The following IST1 variants were observed in gnomAD, a reference collection of about 807,000 sequenced individuals.
IST1 encodes IST1 factor associated with ESCRT-III, also known as IST1 homolog.
A neutral mutation model predicts 37.0 loss-of-function variants in IST1; 23 were observed. The ratio of observed to expected loss-of-function variants is 0.62; its 90% confidence interval spans 0.45 to 0.88. The LOEUF (loss-of-function observed/expected upper bound fraction) is 0.88, where lower values mean the gene tolerates loss of function less well. IST1 is among the 40% of genes least tolerant of loss of function. IST1 has a pLI of 0.00. For synonymous variants in IST1, 180 were observed against 161.7 expected, an observed-to-expected ratio of 1.11 and a Z score of -0.86; for missense variants, 488 against 445.4, an observed-to-expected ratio of 1.10 and a Z score of -0.86.
intron 1 of IST1, among the ~76,000 whole-genome samples, chr16:71,906,773 C>T (rs920637182): frequency 6.6e-6 from 1 of 152,066 alleles, no homozygotes; most frequent in African/African-American, 2.4e-5. Flanking sequence ...TGTTTCGCTT[C>T]CTTTTGGTCT....
Position 71,927,975 on chromosome 16 carries a change from C to G in IST1, c.*162C>G, listed in dbSNP as rs1294231891. The G allele has an allele frequency of 1.6e-6, 1 of 612,074 alleles. No homozygotes were observed. The highest frequency in any genetic ancestry group is 2.9e-6 in the Non-Finnish European group (1 of 344,962). The allele number at this position is 612,074 out of a possible 1,614,324, so 37.9% of individuals were successfully genotyped here. On this transcript the variant is annotated 3_prime_UTR_variant, in exon 10 of 10. Coordinates refer to ENST00000378799, the MANE Select transcript of IST1 (RefSeq NM_001270975.2). ...TGCTCCTCCAGATTCTGCTGCTTTC[C>G]AGTTCTCTGTTGATCCTGAGACTAA...
intron 7 of IST1, 141 bp from the exon 8 acceptor site, chr16:71,923,147 T>C (rs528690095): frequency 1.8e-5 from 9 of 502,680 alleles, no homozygotes; most frequent in Non-Finnish European, 1.7e-5. Flanking sequence ...GTGGTCCTTT[T>C]GGGCATTTTT....
intron 8 of IST1, among the ~76,000 whole-genome samples, chr16:71,923,887 A>G (rs2037672466): frequency 6.6e-6 from 1 of 151,974 alleles, no homozygotes; most frequent in African/African-American, 2.4e-5. Context: ...CTAATATAAT[A>G]CCTCGAACTG....
rs746198588 is a variant in IST1 at position 71,923,281 on chromosome 16, C to T, written c.760-7C>T. 6.3e-7 allele frequency: 1 copy of T among 1,592,492 alleles called. No individual in the cohort carries two copies. Among genetic ancestry groups the T allele is most frequent in the Non-Finnish European group, 8.6e-7 (1 of 1,161,818 alleles). On this transcript the variant is annotated splice_region_variant and splice_polypyrimidine_tract_variant and intron_variant, in intron 7 of 9. Coordinates refer to ENST00000378799, the MANE Select transcript of IST1 (RefSeq NM_001270975.2). ...GTGTCTCTGATGTTGCCTTTCTCCT[C>T]TTACAGTCAGATTTCAATGGACTGC...
chr16:71,904,090 T>G (rs188974132), intron 1 of IST1, among the ~76,000 whole-genome samples: 25 of 152,290 alleles, frequency 1.6e-4, no homozygotes, highest in African/African-American at 5.8e-4. Flanking sequence ...TGTCTGATTT[T>G]AATGTAACCC....
At chr16:71,897,574 C>G (rs2037001942) in intron 1 of IST1, among the ~76,000 whole-genome samples, 1 of 152,162 alleles carries the variant, frequency 6.6e-6, no homozygotes, top group African/African-American at 2.4e-5. Flanking sequence ...GGAAAAGTAA[C>G]ATGCCTATGA....
rs1312931977 is a variant in IST1, at chr16:71,929,602, G to A, written c.*1789G>A. 1.3e-6 allele frequency: 2 copies of A among 1,551,746 alleles called. No individual in the cohort carries two copies. Among genetic ancestry groups the A allele is most frequent in the Non-Finnish European group, 1.7e-6 (2 of 1,147,018 alleles). ...TGCTGTCGTGGCTGCTTGCTCAGAT[G>A]AGGTTTTTTGGGGCCAACTGATTCC... On this transcript the variant is annotated 3_prime_UTR_variant, in exon 10 of 10. Transcript: ENST00000378799.
chr16:71,909,288 T>C (rs2037299084), intron 1 of IST1, among the ~76,000 whole-genome samples: 1 of 151,994 alleles, frequency 6.6e-6, no homozygotes, highest in East Asian at 1.9e-4. Flanking sequence ...CTAAATATTC[T>C]GTAGAGAGGG....
Position 71,916,787 on chromosome 16 carries a change from A to G in IST1, c.269+145A>G, listed in dbSNP as rs1161521817. On this transcript the variant is annotated intron_variant, in intron 3 of 9. Coordinates refer to ENST00000378799, the MANE Select transcript of IST1 (RefSeq NM_001270975.2). ...CTGAAAGGCCTGTTAAAAAGAAAATACAGAATCTGAAACTGAGAAGCCTAA... is the reference window on the plus strand; with the variant it reads ...CTGAAAGGCCTGTTAAAAAGAAAATGCAGAATCTGAAACTGAGAAGCCTAA... The G allele has an allele frequency of 6.7e-6, 5 of 747,562 alleles. No homozygotes were observed. In the African/African-American group the frequency reaches 7.0e-5, roughly 11 times the overall value. 46.3% of individuals were successfully genotyped at this position (747,562 alleles called of 1,614,324 possible).
intron 9 of IST1, among the ~76,000 whole-genome samples, chr16:71,926,226 G>A (rs2037739226): frequency 6.6e-6 from 1 of 150,884 alleles, no homozygotes; most frequent in South Asian, 2.1e-4. Context: ...AGGTTGTAGT[G>A]AACCAAGATT....
At chr16:71,901,366 A>G (rs1344583886) in intron 1 of IST1, among the ~76,000 whole-genome samples, 7 of 152,082 alleles carry the variant, frequency 4.6e-5, no homozygotes, top group Non-Finnish European at 1.0e-4. Context: ...GGCACCCATC[A>G]CCACACCCAG....
intron 1 of IST1, among the ~76,000 whole-genome samples, chr16:71,900,327 C>CTTTTTTTTT (rs201344260): frequency 1.0e-5 from 1 of 100,470 alleles, no homozygotes; most frequent in Non-Finnish European, 1.8e-5. Context: ...CTTAGGAAGT[C>CTTTTTTTTT]TTTTTTTTTT....
intron 1 of IST1, among the ~76,000 whole-genome samples, chr16:71,906,882 A>G (rs1026897450): frequency 5.3e-5 from 8 of 152,120 alleles, no homozygotes; most frequent in African/African-American, 1.7e-4. Flanking sequence ...AAAAATTGTC[A>G]GCTGGGTACG....
intron 1 of IST1, among the ~76,000 whole-genome samples, chr16:71,915,240 T>G (rs2037442237): frequency 6.6e-6 from 1 of 152,110 alleles, no homozygotes; most frequent in Admixed American, 6.6e-5. Flanking sequence ...CCCTTCTGCT[T>G]CTTTATCTTT....
At chr16:71,917,638 G>A (rs141106017) in intron 4 of IST1, among the ~76,000 whole-genome samples, 2 of 152,208 alleles carry the variant, frequency 1.3e-5, no homozygotes, top group East Asian at 1.9e-4. Context: ...ATATGGTACT[G>A]ACTCCTAGGA....
At chr16:71,906,411 G>A (rs186410540) in intron 1 of IST1, among the ~76,000 whole-genome samples, 4 of 151,528 alleles carry the variant, frequency 2.6e-5, no homozygotes, top group African/African-American at 7.3e-5. Context: ...GTGTTCAAGC[G>A]GTTCTCCTGC....
chr16:71,904,250 A>G (rs1015848819), intron 1 of IST1, among the ~76,000 whole-genome samples: 1 of 152,140 alleles, frequency 6.6e-6, no homozygotes, highest in African/African-American at 2.4e-5. Context: ...CAGCCTCCCA[A>G]GTAGCTGGGA....
In IST1 at chr16:71,921,425, T is replaced by C; in HGVS notation, c.524T>C (p.Val175Ala). The C allele has an allele frequency of 6.2e-7, 1 of 1,611,912 alleles. No homozygotes were observed. The highest frequency in any genetic ancestry group is 8.5e-7 in the Non-Finnish European group (1 of 1,177,948). The change falls in exon 6 of 10, where the codon GTA becomes GCA. Residue 175 changes from valine to alanine, a missense_variant. Val to Ala is a moderately conservative substitution (Grantham distance 64). Transcript: ENST00000378799. ...YLIEIAKNYN[V>A]PYEPDSVVMA... Reference sequence around the variant, plus strand: ...ATTGAAATTGCAAAGAATTACAACGTACCCTATGAACCTGACTCTGTGGTC... The same window carrying C: ...ATTGAAATTGCAAAGAATTACAACGCACCCTATGAACCTGACTCTGTGGTC...
chr16:71,915,624 A>G lies in IST1; in HGVS notation c.-15-2A>G. 1.9e-6 allele frequency: 3 copies of G among 1,594,022 alleles called. No homozygotes were observed. Among genetic ancestry groups the G allele is most frequent in the Non-Finnish European group, 1.7e-6 (2 of 1,171,090 alleles). On this transcript the variant is annotated splice_acceptor_variant, in intron 1 of 9. Coordinates refer to ENST00000378799, the MANE Select transcript of IST1 (RefSeq NM_001270975.2). LOFTEE classifies it low-confidence loss of function (5UTR_SPLICE). ...TAGTCATTGTGCTTCTTCTGTTTCT[A>G]GGAGGAACAGCACAGCATGCTGGGC...
Sources: allele counts gnomAD v4.1 joint callset (sites outside exome capture counted in the v4.1 genomes callset), GRCh38; gene constraint gnomAD v4.1.1; transcripts MANE v1.5; gene names NCBI Gene and HGNC (gene_info 2026-07-23, HGNC 2026-07-21).